NBEA: variants seen among roughly 807,000 people sequenced by gnomAD.
NBEA encodes lysosomal-trafficking regulator 2.
NBEA carries 44 observed loss-of-function variants against 343.4 expected under a neutral mutation model. The observed-to-expected ratio is 0.13, with a 90% CI of 0.10 to 0.16. NBEA has a LOEUF of 0.16. Among genes scored for constraint, NBEA ranks in the 10% least tolerant of loss-of-function variants. The pLI is 1.00. For synonymous variants in NBEA, 1,175 were observed against 1,238.7 expected (o/e 0.95, Z 1.08); for missense variants, 2,555 against 3,631.3 (o/e 0.70, Z 7.62).
intron 35 of NBEA, among the ~76,000 whole-genome samples, chr13:35,299,255 T>A (rs2036371067): frequency 2.0e-5 from 3 of 152,144 alleles, no homozygotes; most frequent in African/African-American, 7.2e-5. Flanking sequence ...TTCCTTGTAA[T>A]TTTTTTATAT....
chr13:35,133,140 T>TA (rs2067517237), intron 17 of NBEA, among the ~76,000 whole-genome samples: 1 of 151,874 alleles, frequency 6.6e-6, no homozygotes, highest in Non-Finnish European at 1.5e-5. Flanking sequence ...ATCCTAAACA[T>TA]ACGAAAAAAA....
At chr13:35,440,911 G>A (rs895185360) in intron 39 of NBEA, among the ~76,000 whole-genome samples, 5 of 152,256 alleles carry the variant, frequency 3.3e-5, no homozygotes, top group East Asian at 3.9e-4. Flanking sequence ...TTTGGTTGGC[G>A]CTTACAGCCT....
At chr13:35,280,561 C>T (rs2034981918) in intron 34 of NBEA, among the ~76,000 whole-genome samples, 1 of 151,974 alleles carries the variant, frequency 6.6e-6, no homozygotes, top group South Asian at 2.1e-4. Flanking sequence ...AGTCAATATC[C>T]TAAAAAGATT....
At chr13:35,124,607 CACAT>C (rs978821718) in intron 17 of NBEA, among the ~76,000 whole-genome samples, 13 of 148,406 alleles carry the variant, frequency 8.8e-5, no homozygotes, top group Middle Eastern at 3.7e-3. Context: ...GATATATATA[CACAT>C]ACATATATAT....
intron 34 of NBEA, among the ~76,000 whole-genome samples, chr13:35,241,089 G>C (rs1421170806): frequency 6.6e-6 from 1 of 151,678 alleles, no homozygotes; most frequent in Non-Finnish European, 1.5e-5. Flanking sequence ...ATAAAAATTT[G>C]ATTTAAAATA....
chr13:35,445,563 C>G (rs888614220), intron 39 of NBEA, among the ~76,000 whole-genome samples: 9 of 151,618 alleles, frequency 5.9e-5, no homozygotes, highest in African/African-American at 2.2e-4. Context: ...AACTCTCCCA[C>G]TTATGAGGAA....
chr13:35,257,934 G>C (rs888813442), intron 34 of NBEA, among the ~76,000 whole-genome samples: 3 of 152,020 alleles, frequency 2.0e-5, no homozygotes, highest in Non-Finnish European at 4.4e-5. Flanking sequence ...AAATTTGAAA[G>C]ACTCTTCATG....
At chr13:35,170,389 T>C (rs938028029) in intron 25 of NBEA, among the ~76,000 whole-genome samples, 1 of 151,826 alleles carries the variant, frequency 6.6e-6, no homozygotes, top group African/African-American at 2.4e-5. Context: ...TTTTTACTTA[T>C]GAAGTATTCC....
intron 41 of NBEA, among the ~76,000 whole-genome samples, chr13:35,478,306 C>G (rs61949165): frequency 6.6e-6 from 1 of 152,210 alleles, no homozygotes; most frequent in Non-Finnish European, 1.5e-5. Context: ...AACCTTCCAT[C>G]CCCTTAAGAG....
chr13:35,068,159 T>A (rs1461192493), intron 8 of NBEA, among the ~76,000 whole-genome samples: 2 of 152,174 alleles, frequency 1.3e-5, no homozygotes, highest in Non-Finnish European at 2.9e-5. Context: ...ACACTTTTTT[T>A]AAACCTAAAA....
chr13:35,073,706 T>A (rs2063981279), intron 10 of NBEA, among the ~76,000 whole-genome samples: 1 of 152,046 alleles, frequency 6.6e-6, no homozygotes, highest in Non-Finnish European at 1.5e-5. Context: ...CTTGGGAGGC[T>A]GAGAGTGGTA....
chr13:35,053,772 G>A (rs2063148151), intron 6 of NBEA, among the ~76,000 whole-genome samples: 1 of 152,068 alleles, frequency 6.6e-6, no homozygotes, highest in Non-Finnish European at 1.5e-5. Context: ...TTTAGTCAAT[G>A]GTATGTTATG....
chr13:35,462,291 G>A (rs907925478), intron 40 of NBEA, among the ~76,000 whole-genome samples: 4 of 151,990 alleles, frequency 2.6e-5, no homozygotes, highest in African/African-American at 9.7e-5. Context: ...GATATAGAAA[G>A]GAAACCATTC....
chr13:35,190,887 A>G (rs1374915209), intron 30 of NBEA, among the ~76,000 whole-genome samples: 1 of 152,142 alleles, frequency 6.6e-6, no homozygotes, highest in Admixed American at 6.6e-5. Context: ...GCATTTTCTA[A>G]AGAACTAAAG....
rs547252240 is a variant in NBEA at position 35,158,931 on chromosome 13, A to G, written c.2845-85A>G. ...TAAACTTTCTGGCATTATTTTTTCT[A>G]TTTCCACAATTTAATTTGTATTATT... is the stretch of plus-strand genomic sequence containing the variant. On this transcript the variant is annotated intron_variant, in intron 21 of 58. Transcript: ENST00000379939. 1.8e-5 allele frequency: 22 copies of G among 1,218,720 alleles called. 1 individual carries two copies. The South Asian group carries it at 2.1e-4, about 12-fold the overall frequency. 75.5% of individuals were successfully genotyped at this position (1,218,720 alleles called of 1,614,324 possible). A position where few individuals can be genotyped will look rare whatever the true frequency, so the allele number is the denominator to read the frequency against.
chr13:35,205,144 A>G (rs2073300523), intron 31 of NBEA, among the ~76,000 whole-genome samples: 1 of 152,208 alleles, frequency 6.6e-6, no homozygotes, highest in Non-Finnish European at 1.5e-5. Flanking sequence ...TTGGTGAAGA[A>G]ACAATATTAA....
intron 33 of NBEA, among the ~76,000 whole-genome samples, chr13:35,218,063 T>A (rs556968550): frequency 9.2e-5 from 14 of 152,170 alleles, no homozygotes; most frequent in Admixed American, 4.6e-4. Context: ...GACTCAGTAT[T>A]TGCCATAATA....
intron 41 of NBEA, among the ~76,000 whole-genome samples, chr13:35,518,737 T>C (rs193207562): frequency 6.6e-6 from 1 of 152,340 alleles, no homozygotes; most frequent in Non-Finnish European, 1.5e-5. Context: ...GTTGCCCTAC[T>C]TGCTAGCAGC....
At chr13:35,363,995 T>G (rs1469484158) in intron 38 of NBEA, among the ~76,000 whole-genome samples, 1 of 151,920 alleles carries the variant, frequency 6.6e-6, no homozygotes, top group Non-Finnish European at 1.5e-5. Context: ...TACAAAGGAA[T>G]ATGATTATGT....
Sources: allele counts gnomAD v4.1 joint callset (sites outside exome capture counted in the v4.1 genomes callset), GRCh38; gene constraint gnomAD v4.1.1; transcripts MANE v1.5; gene names NCBI Gene and HGNC (gene_info 2026-07-23, HGNC 2026-07-21).